The following EPHX1 variants were observed in gnomAD, a reference collection of about 807,000 sequenced individuals.
EPHX1 encodes epoxide hydratase.
EPHX1 carries 40 observed loss-of-function variants against 43.2 expected under a neutral mutation model. The observed-to-expected ratio is 0.93, with a 90% confidence interval of 0.72 to 1.21. The LOEUF is 1.21. EPHX1 is among the 50% of genes most tolerant of loss of function. EPHX1 has a pLI of 0.00. For missense variants in EPHX1, 550 were observed against 570.4 expected (o/e 0.96, Z 0.36); for synonymous variants, 221 against 226.7 (o/e 0.98, Z 0.22).
At chr1:225,816,059 A>G (rs1335913591) in intron 1 of EPHX1, among the ~76,000 whole-genome samples, 3 of 152,198 alleles carry the variant, frequency 2.0e-5, no homozygotes, top group African/African-American at 7.2e-5. Context: ...TTGGGAGGCC[A>G]AAGCAGGCGG....
intron 2 of EPHX1, among the ~76,000 whole-genome samples, chr1:225,829,550 G>C (rs1667460895): frequency 6.6e-6 from 1 of 152,130 alleles, no homozygotes; most frequent in Non-Finnish European, 1.5e-5. Context: ...TGGGCAGGTG[G>C]GGTGAACTGA....
At chr1:225,837,396 G>A (rs1378193281) in intron 3 of EPHX1, among the ~76,000 whole-genome samples, 1 of 152,210 alleles carries the variant, frequency 6.6e-6, no homozygotes, top group Non-Finnish European at 1.5e-5. Context: ...GCCTGGGAAG[G>A]GGCTGCCTTC....
At position 225,836,316 on chromosome 1, in the gene EPHX1, G is replaced by A. The variant is rs1006156426; in HGVS notation, c.365-2338G>A. 1.2e-4 allele frequency among the ~76,000 whole-genome samples: 19 copies of A among 152,340 alleles called. No homozygotes were observed. In the East Asian group the frequency reaches 2.1e-3, roughly 17 times the overall value. On this transcript the variant is annotated intron_variant, in intron 3 of 8. Coordinates refer to ENST00000272167, the MANE Select transcript of EPHX1 (RefSeq NM_001136018.4). ...TTTTAAAAAGGAGAAAATCCTGGCC[G>A]GGTGTGGTGGCTCACGCCAGTAATC...
At chr1:225,822,511 A>C (rs1667021278) in intron 1 of EPHX1, among the ~76,000 whole-genome samples, 1 of 152,172 alleles carries the variant, frequency 6.6e-6, no homozygotes, top group Non-Finnish European at 1.5e-5. Flanking sequence ...TAGCAAAATA[A>C]AGCAGGCACT....
chr1:225,819,435 G>A (rs1666885738), intron 1 of EPHX1, among the ~76,000 whole-genome samples: 1 of 152,058 alleles, frequency 6.6e-6, no homozygotes, highest in African/African-American at 2.4e-5. Flanking sequence ...GATTGCTGTG[G>A]CTTCAGAGTG....
intron 1 of EPHX1, among the ~76,000 whole-genome samples, chr1:225,821,059 C>T (rs1246545124): frequency 6.6e-6 from 1 of 152,104 alleles, no homozygotes; most frequent in Non-Finnish European, 1.5e-5. Flanking sequence ...CTTCTTGGCA[C>T]TTTAAAAACC....
chr1:225,834,097 C>CA (rs377164975), intron 3 of EPHX1, among the ~76,000 whole-genome samples: 26,582 of 55,902 alleles, frequency 0.48, 5,925 homozygotes, highest in African/African-American at 0.55. Flanking sequence ...GACTCTGTCT[C>CA]AAAAAAAAAA....
At chr1:225,831,200 C>T (rs1301809008) in intron 2 of EPHX1, among the ~76,000 whole-genome samples, 10 of 152,188 alleles carry the variant, frequency 6.6e-5, no homozygotes, top group Admixed American at 6.5e-4. Context: ...TTTGCCGACT[C>T]CCGCTGTAGA....
intron 3 of EPHX1, among the ~76,000 whole-genome samples, chr1:225,837,030 T>C (rs1668004704): frequency 6.6e-6 from 1 of 152,256 alleles, no homozygotes; most frequent in Non-Finnish European, 1.5e-5. Flanking sequence ...AAATGTACCA[T>C]GCTAACATAA....
intron 1 of EPHX1, among the ~76,000 whole-genome samples, chr1:225,822,567 A>G (rs1667022998): frequency 6.6e-6 from 1 of 152,206 alleles, no homozygotes; most frequent in African/African-American, 2.4e-5. Context: ...GGTGTCTCCT[A>G]AACTTTGATG....
chr1:225,839,388 T>TGTGC (rs1668198007), intron 5 of EPHX1, 42 bp downstream of exon 5: 5 of 1,608,278 alleles, frequency 3.1e-6, no homozygotes, highest in Non-Finnish European at 4.2e-6. Context: ...TGTGTGTGTG[T>TGTGC]GTGTGTGTGT....
In EPHX1 at chr1:225,831,874, C is replaced by A. The variant is rs1279766084; in HGVS notation, c.279C>A (p.Val93=). Residue 93 remains valine, a synonymous_variant, in exon 3 of 9, where the codon GTC becomes GTA. Transcript: ENST00000272167. The part of the protein sequence containing the change: ...YGFNSNYLKK[V]ISYWRNEFDW... ...TCAACTCCAACTACCTGAAGAAAGTCATCTCCTACTGGCGGAATGAATTTG... is the reference window on the plus strand; with the variant it reads ...TCAACTCCAACTACCTGAAGAAAGTAATCTCCTACTGGCGGAATGAATTTG... The A allele has an allele frequency of 1.2e-6, 2 of 1,614,180 alleles. No individual in the cohort carries two copies. Among genetic ancestry groups the A allele is most frequent in the Non-Finnish European group, 8.5e-7 (1 of 1,180,032 alleles).
chr1:225,811,652 C>T (rs1043628800), intron 1 of EPHX1, among the ~76,000 whole-genome samples: 4 of 152,212 alleles, frequency 2.6e-5, no homozygotes, highest in African/African-American at 4.8e-5. Flanking sequence ...ACATTGTTTT[C>T]TGGTGTAACG....
At chr1:225,827,139 G>A (rs1400983472) in intron 1 of EPHX1, among the ~76,000 whole-genome samples, 2 of 152,132 alleles carry the variant, frequency 1.3e-5, no homozygotes, top group Non-Finnish European at 2.9e-5. Flanking sequence ...AAACTCCAGG[G>A]CCTCTGCAAC....
chr1:225,845,020 TTTTC>T, intron 8 of EPHX1, 122 bp from the exon 9 acceptor site: 1 of 1,077,582 alleles, frequency 9.3e-7, no homozygotes, highest in Non-Finnish European at 1.4e-6. Flanking sequence ...GGATTTGTCC[TTTTC>T]TTTATGGCTC....
At chr1:225,829,805 T>C (rs1369129765) in intron 2 of EPHX1, among the ~76,000 whole-genome samples, 1 of 152,204 alleles carries the variant, frequency 6.6e-6, no homozygotes, top group African/African-American at 2.4e-5. Context: ...CTAGGTGCGG[T>C]GGCTCACGCT....
At chr1:225,826,291 C>T (rs1667229605) in intron 1 of EPHX1, among the ~76,000 whole-genome samples, 1 of 152,002 alleles carries the variant, frequency 6.6e-6, no homozygotes, top group South Asian at 2.1e-4. Context: ...TGGTGAAACG[C>T]TGTCTTTACT....
At chr1:225,819,078 TTAG>T (rs1666859780) in intron 1 of EPHX1, among the ~76,000 whole-genome samples, 1 of 54,496 alleles carries the variant, frequency 1.8e-5, no homozygotes, top group African/African-American at 5.3e-5. Context: ...ATACAAAAAA[TTAG>T]CCGGGCGTAG....
intron 1 of EPHX1, among the ~76,000 whole-genome samples, chr1:225,822,867 G>A (rs753787759): frequency 2.6e-5 from 4 of 152,134 alleles, no homozygotes; most frequent in South Asian, 2.1e-4. Context: ...GCCAGACCAC[G>A]GTGCCTGACG....
Sources: allele counts gnomAD v4.1 joint callset (sites outside exome capture counted in the v4.1 genomes callset), GRCh38; gene constraint gnomAD v4.1.1; transcripts MANE v1.5; gene names NCBI Gene and HGNC (gene_info 2026-07-23, HGNC 2026-07-21).